Variants in SYN2 observed in about 807,000 individuals in gnomAD.
SYN2 encodes synapsin II.
In SYN2, 19 loss-of-function variants were observed where a neutral mutation model predicts 50.9. That is an observed-to-expected ratio of 0.37 (90% confidence interval 0.26 to 0.55). The LOEUF is 0.55. SYN2 is among the 20% of genes least tolerant of loss of function. The probability of loss-of-function intolerance (pLI) is 0.81; values close to 1 mark genes in which losing one functional copy is unlikely to be tolerated. For missense variants in SYN2, 587 were observed against 576.4 expected (o/e 1.02, Z -0.19); for synonymous variants, 255 against 224.9 (o/e 1.13, Z -1.20).
chr3:12,095,961 C>A (rs946673781), intron 1 of SYN2, among the ~76,000 whole-genome samples: 2 of 152,108 alleles, frequency 1.3e-5, no homozygotes, highest in African/African-American at 4.8e-5. Context: ...AAACTGAACT[C>A]TTGAATTTTT....
chr3:12,169,722 A>T (rs766482765), intron 9 of SYN2, 35 bp from the exon 10 acceptor site: 2 of 1,611,020 alleles, frequency 1.2e-6, no homozygotes, highest in African/African-American at 2.7e-5. Flanking sequence ...ATGTTTCCAG[A>T]CCCCTTTCCT....
chr3:12,187,578 C>G lies in SYN2; in HGVS notation c.1579C>G (p.Pro527Ala). ...AGAGGCCCAGCCACCCCTGGCTGCT[C>G]CACCACAGAAGCCCCAGCCTCACCC... ...LAEAQPPLAA[P>A]PQKPQPHPQL... Residue 527 changes from proline (P) to alanine (A), a missense_variant, in exon 12 of 13, where the codon CCA becomes GCA. Coordinates refer to ENST00000621198, the MANE Select transcript of SYN2 (RefSeq NM_133625.6). The G allele has an allele frequency of 1.3e-6, 2 of 1,551,698 alleles. No individual in the cohort carries two copies. Among genetic ancestry groups the G allele is most frequent in the Non-Finnish European group, 1.7e-6 (2 of 1,146,692 alleles).
At position 12,018,385 on chromosome 3, in the gene SYN2, G is replaced by A. The variant is rs1487491784; in HGVS notation, c.377+13457G>A. Among the ~76,000 whole-genome samples, 5 of 152,316 alleles carry A rather than the reference G, an allele frequency of 3.3e-5. No homozygotes were observed. In the East Asian group the frequency reaches 5.8e-4, roughly 18 times the overall value. ...AAAGGAAGAAGTTTGGATAAGCAGC[G>A]TGACTTTGGATCCTGTGTGTATTTC... On this transcript the variant is annotated intron_variant, in intron 1 of 12. Coordinates refer to ENST00000621198, the MANE Select transcript of SYN2 (RefSeq NM_133625.6).
chr3:12,082,531 A>C (rs770866618), intron 1 of SYN2, among the ~76,000 whole-genome samples: 9 of 152,224 alleles, frequency 5.9e-5, no homozygotes, highest in African/African-American at 2.2e-4. Context: ...TCTTTTCTGC[A>C]AAGTTTGGTA....
At position 12,190,734 on chromosome 3, in the gene SYN2, G is replaced by T; in HGVS notation, c.*109G>T. The stretch of plus-strand genomic sequence containing the variant: ...ATGTCCCATGACCTTGACGTGTGTG[G>T]TCCCTTCCTCTGCTCTGTTGTACTA... On this transcript the variant is annotated 3_prime_UTR_variant, in exon 13 of 13. Transcript: ENST00000621198. 6.7e-7 allele frequency: 1 copy of T among 1,499,178 alleles called. No individual in the cohort carries two copies. Among genetic ancestry groups the T allele is most frequent in the South Asian group, 1.4e-5 (1 of 72,398 alleles). The allele number at this position is 1,499,178 out of a possible 1,614,324, so 92.9% of individuals were successfully genotyped here.
intron 1 of SYN2, among the ~76,000 whole-genome samples, chr3:12,052,983 T>C (rs1037338525): frequency 1.5e-4 from 23 of 152,190 alleles, no homozygotes; most frequent in African/African-American, 5.6e-4. Context: ...TTTCCATACA[T>C]GTTGTTTCAT....
intron 1 of SYN2, among the ~76,000 whole-genome samples, chr3:12,068,585 A>G (rs1052207731): frequency 6.6e-6 from 1 of 152,020 alleles, no homozygotes; most frequent in Non-Finnish European, 1.5e-5. Flanking sequence ...TCCAATCCAT[A>G]TTTTTCTATG....
In SYN2 at chr3:12,066,265, A is replaced by G. The variant is rs138857336; in HGVS notation, c.377+61337A>G. Among the ~76,000 whole-genome samples the G allele has an allele frequency of 7.9e-5, 12 of 152,310 alleles. No homozygotes were observed. The East Asian group carries it at 2.3e-3, about 29-fold the overall frequency. On this transcript the variant is annotated intron_variant, in intron 1 of 12. Transcript: ENST00000621198. ...ATGTAAAATGATAGTATGGAAAGCTAGGCTTGGGGATTGTGGGAACTCTGG... is the reference window on the plus strand; with the variant it reads ...ATGTAAAATGATAGTATGGAAAGCTGGGCTTGGGGATTGTGGGAACTCTGG...
chr3:12,078,989 G>A (rs1448760808), intron 1 of SYN2, among the ~76,000 whole-genome samples: 10 of 152,242 alleles, frequency 6.6e-5, no homozygotes, highest in African/African-American at 2.4e-4. Context: ...TTGAGCCGTG[G>A]TTTGTAGTTC....
intron 1 of SYN2, among the ~76,000 whole-genome samples, chr3:12,082,601 T>A (rs776482488): frequency 6.6e-6 from 1 of 152,232 alleles, no homozygotes; most frequent in Non-Finnish European, 1.5e-5. Flanking sequence ...AAGTAAGTAT[T>A]ACCTTTTTAC....
intron 1 of SYN2, among the ~76,000 whole-genome samples, chr3:12,136,585 C>T (rs934846517): frequency 2.0e-5 from 3 of 152,108 alleles, no homozygotes; most frequent in African/African-American, 7.2e-5. Flanking sequence ...TTTGTGGGGG[C>T]GTTAGGAGAG....
chr3:12,134,950 A>C (rs1696863754), intron 1 of SYN2, among the ~76,000 whole-genome samples: 1 of 152,198 alleles, frequency 6.6e-6, no homozygotes, highest in Admixed American at 6.5e-5. Flanking sequence ...TCCAGCACCT[A>C]CCACTGGATG....
intron 1 of SYN2, among the ~76,000 whole-genome samples, chr3:12,008,270 T>C (rs935613228): frequency 2.6e-5 from 4 of 152,174 alleles, no homozygotes; most frequent in Admixed American, 1.3e-4. Context: ...ATAGCACAGG[T>C]ACTCTTGAGT....
In SYN2 at chr3:12,151,262, A is replaced by T; in HGVS notation, c.710A>T (p.Lys237Met). ...WVFAQLVAIY[K>M]TLGGEKFPLI... ...TTTGCCCAGCTGGTCGCTATCTATA[A>T]GACACTGGGAGGAGAAAAGTTCCCT... The change falls in exon 5 of 13, where the codon AAG (lysine) becomes ATG (methionine). Residue 237 changes from lysine (K) to methionine (M), a missense_variant. By Grantham distance (95) the Lys-to-Met change is moderately conservative. Transcript: ENST00000621198. 6.2e-7 allele frequency: 1 copy of T among 1,613,242 alleles called. No individual in the cohort carries two copies. The highest frequency in any genetic ancestry group is 8.5e-7 in the Non-Finnish European group (1 of 1,179,702).
chr3:12,084,124 A>G (rs963205331), intron 1 of SYN2, among the ~76,000 whole-genome samples: 2 of 152,140 alleles, frequency 1.3e-5, no homozygotes, highest in African/African-American at 4.8e-5. Flanking sequence ...AAGCCATTTA[A>G]TCACTTTGAA....
At chr3:12,155,700 T>C (rs117382245) in intron 5 of SYN2, among the ~76,000 whole-genome samples, 241 of 152,276 alleles carry the variant, frequency 1.6e-3, no homozygotes, top group East Asian at 0.01. Flanking sequence ...TCTTAGACTA[T>C]TTTTTGTCAT....
chr3:12,142,093 A>G (rs1003634610), intron 3 of SYN2, 97 bp downstream of exon 3: 1 of 736,218 alleles, frequency 1.4e-6, no homozygotes, highest in African/African-American at 1.7e-5. Context: ...TTGGAGTGAG[A>G]TAGCAGTGCT....
At chr3:12,052,371 T>A (rs1574911682) in intron 1 of SYN2, among the ~76,000 whole-genome samples, 2 of 152,308 alleles carry the variant, frequency 1.3e-5, no homozygotes, top group East Asian at 3.9e-4. Flanking sequence ...ACATGTTTGC[T>A]GTTCTCCAGA....
At chr3:12,173,180 A>G (rs1289834644) in intron 10 of SYN2, among the ~76,000 whole-genome samples, 2 of 152,194 alleles carry the variant, frequency 1.3e-5, no homozygotes, top group East Asian at 1.9e-4. Context: ...AAGACACCCA[A>G]TAGTTGGCCA....
Sources: allele counts gnomAD v4.1 joint callset (sites outside exome capture counted in the v4.1 genomes callset), GRCh38; gene constraint gnomAD v4.1.1; transcripts MANE v1.5; gene names NCBI Gene and HGNC (gene_info 2026-07-23, HGNC 2026-07-21).